ROBO2: variants seen among roughly 807,000 people sequenced by gnomAD.
The protein encoded by ROBO2 is roundabout homolog 2.
A neutral mutation model predicts 160.8 loss-of-function variants in ROBO2; 53 were observed. The observed-to-expected ratio is 0.33, with a 90% CI of 0.26 to 0.41. The LOEUF (loss-of-function observed/expected upper bound fraction) is 0.41, where lower values mean the gene tolerates loss of function less well. Among genes scored for constraint, ROBO2 ranks in the 10% least tolerant of loss-of-function variants. The pLI is 1.00. For synonymous variants in ROBO2, 664 were observed against 611.7 expected (o/e 1.09, Z -1.26); for missense variants, 1,577 against 1,722.4 (o/e 0.92, Z 1.49).
intron 2 of ROBO2, among the ~76,000 whole-genome samples, chr3:76,787,179 A>T (rs1335299844): frequency 6.6e-6 from 1 of 151,332 alleles, no homozygotes; most frequent in African/African-American, 2.4e-5. Flanking sequence ...ACAATTCAAC[A>T]TGAGATTTGG....
intron 2 of ROBO2, among the ~76,000 whole-genome samples, chr3:76,853,566 A>G (rs1319678300): frequency 6.6e-6 from 1 of 152,136 alleles, no homozygotes; most frequent in Non-Finnish European, 1.5e-5. Flanking sequence ...GTTTTCATGT[A>G]TGCACTTTTG....
At chr3:76,084,648 A>G (rs1409496663) in intron 2 of ROBO2, among the ~76,000 whole-genome samples, 2 of 152,122 alleles carry the variant, frequency 1.3e-5, no homozygotes, top group African/African-American at 4.8e-5. Context: ...AGTTTCCTCT[A>G]AAGTCTATCT....
chr3:76,654,164 T>A (rs923123119), intron 2 of ROBO2, among the ~76,000 whole-genome samples: 1 of 152,194 alleles, frequency 6.6e-6, no homozygotes, highest in Non-Finnish European at 1.5e-5. Flanking sequence ...CTTTGCGTTA[T>A]GTGTGTCAGC....
intron 2 of ROBO2, among the ~76,000 whole-genome samples, chr3:76,205,546 A>G (rs1025480527): frequency 2.6e-5 from 4 of 152,126 alleles, no homozygotes; most frequent in Non-Finnish European, 4.4e-5. Context: ...CTAAGAGTCC[A>G]TGTCTTTCAT....
At chr3:76,195,695 T>A (rs931435699) in intron 2 of ROBO2, among the ~76,000 whole-genome samples, 1 of 152,196 alleles carries the variant, frequency 6.6e-6, no homozygotes, top group Admixed American at 6.6e-5. Context: ...CAGTTCAAGT[T>A]GTCAAAGCCA....
intron 2 of ROBO2, among the ~76,000 whole-genome samples, chr3:76,300,273 C>A (rs372429474): frequency 6.6e-6 from 1 of 150,794 alleles, no homozygotes; most frequent in Non-Finnish European, 1.5e-5. Flanking sequence ...CTGAATAGTT[C>A]TTTTTTTTTG....
intron 2 of ROBO2, among the ~76,000 whole-genome samples, chr3:76,039,783 T>C (rs1442002564): frequency 6.6e-6 from 1 of 151,974 alleles, no homozygotes; most frequent in Non-Finnish European, 1.5e-5. Flanking sequence ...AGAAGAAATA[T>C]TTGTATATGA....
At chr3:76,204,996 T>A (rs1385495720) in intron 2 of ROBO2, among the ~76,000 whole-genome samples, 1 of 152,142 alleles carries the variant, frequency 6.6e-6, no homozygotes, top group East Asian at 1.9e-4. Context: ...ATTTTAAAAA[T>A]CTTTATTTGG....
At chr3:77,516,228 A>G (rs1353249994) in intron 5 of ROBO2, among the ~76,000 whole-genome samples, 1 of 151,512 alleles carries the variant, frequency 6.6e-6, no homozygotes, top group Non-Finnish European at 1.5e-5. Context: ...CAGATTTTAT[A>G]AACATCTAAG....
intron 2 of ROBO2, among the ~76,000 whole-genome samples, chr3:76,410,865 G>C (rs1029543770): frequency 1.3e-5 from 2 of 152,072 alleles, no homozygotes; most frequent in African/African-American, 2.4e-5. Context: ...GATGTTTCAG[G>C]GAAATCATAT....
intron 2 of ROBO2, among the ~76,000 whole-genome samples, chr3:75,965,734 A>G (rs1949086466): frequency 6.6e-6 from 1 of 151,686 alleles, no homozygotes; most frequent in Non-Finnish European, 1.5e-5. Context: ...ATATTTTACC[A>G]AAGAAGAAAG....
chr3:76,767,813 T>C (rs1444301232), intron 2 of ROBO2, among the ~76,000 whole-genome samples: 1 of 151,642 alleles, frequency 6.6e-6, no homozygotes, highest in South Asian at 2.1e-4. Context: ...GATCCATTTA[T>C]ATATACAGAA....
chr3:77,170,933 G>A (rs116314334), intron 2 of ROBO2, among the ~76,000 whole-genome samples: 123 of 152,210 alleles, frequency 8.1e-4, no homozygotes, highest in African/African-American at 2.9e-3. Flanking sequence ...AGCAGAGGGT[G>A]CTTAAAAAGA....
intron 2 of ROBO2, among the ~76,000 whole-genome samples, chr3:76,329,034 AG>A (rs1368204061): frequency 6.6e-6 from 1 of 151,672 alleles, no homozygotes; most frequent in Non-Finnish European, 1.5e-5. Flanking sequence ...TCAGAACTCC[AG>A]GGTCCCCAAA....
chr3:77,434,350 T>A (rs574748692), intron 2 of ROBO2, among the ~76,000 whole-genome samples: 1 of 152,128 alleles, frequency 6.6e-6, no homozygotes, highest in Non-Finnish European at 1.5e-5. Flanking sequence ...TTCACAACTG[T>A]AATTAAGTAA....
Position 77,098,357 on chromosome 3 carries a change from A to G in ROBO2, c.388+17A>G. 6.2e-7 allele frequency: 1 copy of G among 1,611,322 alleles called. No individual in the cohort carries two copies. The stretch of plus-strand genomic sequence containing the variant: ...AAGTGGCATGTAAGTGAACATAATG[A>G]ACCTCATGTGCACATTTACTTTTAT... On this transcript the variant is annotated intron_variant, in intron 2 of 25. Transcript: ENST00000461745.
chr3:76,910,122 A>G (rs1184895820), intron 2 of ROBO2, among the ~76,000 whole-genome samples: 3 of 152,170 alleles, frequency 2.0e-5, no homozygotes, highest in African/African-American at 7.2e-5. Context: ...AGTGGTTGGT[A>G]CAAGATGTCC....
intron 2 of ROBO2, among the ~76,000 whole-genome samples, chr3:76,921,251 C>CT (rs1235801795): frequency 6.6e-6 from 1 of 152,036 alleles, no homozygotes. Flanking sequence ...AGTAATTTCT[C>CT]TTGTGAATTT....
At chr3:77,234,127 T>C (rs1039786699) in intron 2 of ROBO2, among the ~76,000 whole-genome samples, 2 of 152,202 alleles carry the variant, frequency 1.3e-5, no homozygotes, top group African/African-American at 4.8e-5. Context: ...AAATTAAATA[T>C]GTAATATTGC....
Sources: allele counts gnomAD v4.1 joint callset (sites outside exome capture counted in the v4.1 genomes callset), GRCh38; gene constraint gnomAD v4.1.1; transcripts MANE v1.5; gene names NCBI Gene and HGNC (gene_info 2026-07-23, HGNC 2026-07-21).